The following DIAPH2 variants were observed in gnomAD, a reference collection of about 807,000 sequenced individuals.
The protein encoded by DIAPH2 is diaphanous related formin 2.
In DIAPH2, 35 loss-of-function variants were observed where a neutral mutation model predicts 92.7. The ratio of observed to expected loss-of-function variants is 0.38; its 90% CI spans 0.29 to 0.50. The LOEUF is 0.50. Among genes scored for constraint, DIAPH2 ranks in the 20% least tolerant of loss-of-function variants. The probability of loss-of-function intolerance (pLI) is 0.94; values close to 1 mark genes in which losing one functional copy is unlikely to be tolerated. For missense variants in DIAPH2, 701 were observed against 819.5 expected (o/e 0.86, Z 1.77); for synonymous variants, 301 against 280.4 (o/e 1.07, Z -0.73).
intron 25 of DIAPH2, among the ~76,000 whole-genome samples, chrX:97,409,199 C>G (rs1441113879): frequency 3.6e-5 from 4 of 111,656 alleles, no homozygotes; most frequent in African/African-American, 9.8e-5. Flanking sequence ...AGATTCCAAG[C>G]CTGGGGAATA....
chrX:96,880,472 T>A (rs1173893201), intron 4 of DIAPH2, among the ~76,000 whole-genome samples: 1 of 111,816 alleles, frequency 8.9e-6, no homozygotes, highest in East Asian at 2.8e-4. Flanking sequence ...TAGTGTGAAA[T>A]CATAGGGAAC....
chrX:97,399,270 G>C (rs780116831), intron 25 of DIAPH2, among the ~76,000 whole-genome samples: 1 of 111,459 alleles, frequency 9.0e-6, no homozygotes, highest in East Asian at 2.8e-4. Flanking sequence ...GGACATAAGA[G>C]ACTAGTTGCT....
chrX:96,728,570 A>T (rs192481884), intron 1 of DIAPH2, among the ~76,000 whole-genome samples: 1 of 112,117 alleles, frequency 8.9e-6, no homozygotes, highest in East Asian at 2.8e-4. Flanking sequence ...AGAATCCTTA[A>T]ACTTCTATGT....
intron 26 of DIAPH2, among the ~76,000 whole-genome samples, chrX:97,471,239 T>G (rs1023119482): frequency 1.8e-5 from 2 of 110,969 alleles, no homozygotes; most frequent in Non-Finnish European, 3.8e-5. Flanking sequence ...GGTTGTTAAG[T>G]CACACTACCC....
chrX:97,568,650 T>C (rs1281467990), intron 26 of DIAPH2, among the ~76,000 whole-genome samples: 1 of 111,712 alleles, frequency 9.0e-6, no homozygotes, highest in Non-Finnish European at 1.9e-5. Flanking sequence ...AACTGTCTTG[T>C]GTAACAAAAG....
At chrX:97,495,934 T>C (rs2070754634) in intron 26 of DIAPH2, among the ~76,000 whole-genome samples, 1 of 110,679 alleles carries the variant, frequency 9.0e-6, no homozygotes, top group African/African-American at 3.3e-5. Context: ...AGCCCCAAAA[T>C]GTAAATAAAT....
intron 26 of DIAPH2, among the ~76,000 whole-genome samples, chrX:97,518,334 G>A (rs1361803490): frequency 1.8e-5 from 2 of 111,165 alleles, no homozygotes; most frequent in Admixed American, 9.6e-5. Flanking sequence ...TCATTTACAC[G>A]TAGCTGTAAA....
At chrX:96,867,923 C>T (rs2065115966) in intron 4 of DIAPH2, among the ~76,000 whole-genome samples, 1 of 111,722 alleles carries the variant, frequency 9.0e-6, no homozygotes, top group South Asian at 3.7e-4. Context: ...ACTATAGCAG[C>T]ATCTCTTATA....
At chrX:96,951,424 T>G (rs1006717366) in intron 15 of DIAPH2, among the ~76,000 whole-genome samples, 1 of 111,841 alleles carries the variant, frequency 8.9e-6, no homozygotes, top group African/African-American at 3.3e-5. Flanking sequence ...CATAGACACC[T>G]TGAGGACAGT....
intron 22 of DIAPH2, among the ~76,000 whole-genome samples, chrX:97,154,843 A>G (rs1054931932): frequency 7.1e-5 from 8 of 112,409 alleles, no homozygotes; most frequent in African/African-American, 2.3e-4. Flanking sequence ...TGTATCTTTT[A>G]CCATTAGAAA....
chrX:97,259,795 C>G (rs900565310), intron 23 of DIAPH2, among the ~76,000 whole-genome samples: 2 of 111,886 alleles, frequency 1.8e-5, no homozygotes, highest in African/African-American at 6.5e-5. Context: ...CATGTCTAAC[C>G]CTAAATGTTC....
chrX:97,126,468 G>T (rs1280719231), intron 21 of DIAPH2, among the ~76,000 whole-genome samples: 2 of 112,183 alleles, frequency 1.8e-5, no homozygotes, highest in African/African-American at 6.5e-5. Flanking sequence ...TGTGCAGCAA[G>T]TTGGCCACAT....
At chrX:96,922,717 A>G (rs1194186091) in intron 9 of DIAPH2, among the ~76,000 whole-genome samples, 1 of 111,528 alleles carries the variant, frequency 9.0e-6, no homozygotes, top group African/African-American at 3.3e-5. Context: ...GCCATACTAC[A>G]TTTGGTGTTT....
intron 24 of DIAPH2, among the ~76,000 whole-genome samples, chrX:97,377,484 A>G (rs1006781443): frequency 8.9e-6 from 1 of 112,120 alleles, no homozygotes; most frequent in African/African-American, 3.2e-5. Context: ...CAGTTCTGTT[A>G]TAATCTTATG....
intron 5 of DIAPH2, among the ~76,000 whole-genome samples, chrX:96,911,895 T>C (rs921989819): frequency 2.7e-5 from 3 of 111,628 alleles, no homozygotes; most frequent in African/African-American, 9.8e-5. Context: ...ACTGAATAAA[T>C]AGAATAAATG....
chrX:97,417,505 C>G (rs2147766830), intron 25 of DIAPH2, among the ~76,000 whole-genome samples: 1 of 110,668 alleles, frequency 9.0e-6, no homozygotes, highest in South Asian at 3.9e-4. Flanking sequence ...AAAACCCCAT[C>G]TCTGCTAAAA....
intron 4 of DIAPH2, among the ~76,000 whole-genome samples, chrX:96,803,181 A>G (rs1443606495): frequency 4.5e-5 from 5 of 111,086 alleles, no homozygotes; most frequent in Non-Finnish European, 9.4e-5. Flanking sequence ...CTTCAATCCA[A>G]TCAAGCTGAC....
intron 25 of DIAPH2, among the ~76,000 whole-genome samples, chrX:97,419,090 A>G (rs1327112289): frequency 1.8e-5 from 2 of 110,344 alleles, no homozygotes; most frequent in Non-Finnish European, 3.8e-5. Context: ...TGTACCTAGC[A>G]TGATTTTTTT....
chrX:97,069,151 C>T (rs1458682214), intron 17 of DIAPH2, among the ~76,000 whole-genome samples: 2 of 110,511 alleles, frequency 1.8e-5, no homozygotes, highest in East Asian at 2.8e-4. Context: ...TTAGTAGAGA[C>T]AGGATTTCAC....
Sources: gnomAD v4.1 joint callset for allele counts (sites outside exome capture counted in the v4.1 genomes callset) on GRCh38, gnomAD v4.1.1 for gene constraint, MANE v1.5 for transcripts, NCBI Gene and HGNC (gene_info 2026-07-23, HGNC 2026-07-21) for gene names.